Variants in ARHGAP44 observed in about 807,000 individuals in gnomAD.
ARHGAP44 encodes the protein Rho GTPase activating protein 44.
A neutral mutation model predicts 106.8 loss-of-function variants in ARHGAP44; 43 were observed. The observed-to-expected ratio is 0.40, with a 90% CI of 0.32 to 0.52. ARHGAP44 has a LOEUF of 0.52. Among genes scored for constraint, ARHGAP44 ranks in the 20% least tolerant of loss-of-function variants. ARHGAP44 has a pLI of 0.48. For missense variants in ARHGAP44, 866 were observed against 1,050.5 expected (o/e 0.82, Z 2.43); for synonymous variants, 439 against 410.3 (o/e 1.07, Z -0.85).
intron 16 of ARHGAP44, among the ~76,000 whole-genome samples, chr17:12,970,390 A>G (rs1221079038): frequency 1.3e-5 from 2 of 149,814 alleles, no homozygotes; most frequent in African/African-American, 4.9e-5. Flanking sequence ...AAAAAAAAAG[A>G]AAAAGAAGAG....
At chr17:12,800,715 C>G (rs536645454) in intron 1 of ARHGAP44, among the ~76,000 whole-genome samples, 1 of 152,170 alleles carries the variant, frequency 6.6e-6, no homozygotes, top group African/African-American at 2.4e-5. Flanking sequence ...TGCAACGTCT[C>G]TGTGAATGGG....
At chr17:12,941,859 A>T (rs1438609042) in intron 8 of ARHGAP44, among the ~76,000 whole-genome samples, 1 of 152,226 alleles carries the variant, frequency 6.6e-6, no homozygotes, top group Non-Finnish European at 1.5e-5. Context: ...AATAAAAAAA[A>T]ATCAGTTATG....
chr17:12,861,534 C>T (rs1250762658), intron 1 of ARHGAP44, among the ~76,000 whole-genome samples: 8 of 151,976 alleles, frequency 5.3e-5, no homozygotes, highest in Admixed American at 5.2e-4. Flanking sequence ...GTGGCCCCTT[C>T]CGCCGTCTTC....
At chr17:12,905,338 C>T (rs1207624225) in intron 3 of ARHGAP44, among the ~76,000 whole-genome samples, 3 of 152,132 alleles carry the variant, frequency 2.0e-5, no homozygotes, top group African/African-American at 2.4e-5. Context: ...ATGTCAAAAT[C>T]ATTAGTGCAG....
At chr17:12,908,311 C>T (rs1428090122) in intron 3 of ARHGAP44, among the ~76,000 whole-genome samples, 1 of 151,722 alleles carries the variant, frequency 6.6e-6, no homozygotes, top group Non-Finnish European at 1.5e-5. Flanking sequence ...ATTCTGCTGC[C>T]TCAGCCTCCC....
intron 16 of ARHGAP44, among the ~76,000 whole-genome samples, chr17:12,971,830 T>C (rs1217902950): frequency 6.6e-6 from 1 of 152,208 alleles, no homozygotes; most frequent in African/African-American, 2.4e-5. Flanking sequence ...GCAATCGTAC[T>C]AGACATGAGA....
At chr17:12,818,151 A>G (rs1167491338) in intron 1 of ARHGAP44, among the ~76,000 whole-genome samples, 1 of 151,988 alleles carries the variant, frequency 6.6e-6, no homozygotes, top group Non-Finnish European at 1.5e-5. Context: ...TGACCAAGTG[A>G]GGTTTATTTA....
intron 1 of ARHGAP44, among the ~76,000 whole-genome samples, chr17:12,810,486 A>G (rs957932100): frequency 3.3e-5 from 5 of 152,166 alleles, no homozygotes; most frequent in African/African-American, 1.2e-4. Flanking sequence ...AAGCTTGAGG[A>G]TGAGGGCTGG....
chr17:12,867,190 C>T (rs1465559207), intron 1 of ARHGAP44, among the ~76,000 whole-genome samples: 1 of 151,536 alleles, frequency 6.6e-6, no homozygotes, highest in East Asian at 1.9e-4. Flanking sequence ...AACCAACTGA[C>T]AGTTCCAGCA....
At chr17:12,831,775 G>T (rs1162895759) in intron 1 of ARHGAP44, among the ~76,000 whole-genome samples, 1 of 152,178 alleles carries the variant, frequency 6.6e-6, no homozygotes, top group Non-Finnish European at 1.5e-5. Context: ...ACTAAAGAGT[G>T]TAAGAAACAA....
intron 4 of ARHGAP44, among the ~76,000 whole-genome samples, chr17:12,910,288 A>C (rs1282468017): frequency 6.7e-6 from 1 of 149,020 alleles, no homozygotes; most frequent in Middle Eastern, 3.4e-3. Flanking sequence ...TCCTCTCTCT[A>C]AACATCTTAG....
chr17:12,848,787 C>T (rs1258690562), intron 1 of ARHGAP44, among the ~76,000 whole-genome samples: 1 of 152,136 alleles, frequency 6.6e-6, no homozygotes, highest in African/African-American at 2.4e-5. Flanking sequence ...GTGGCTCATG[C>T]CTGTAATCCA....
At chr17:12,806,038 A>G (rs1364957254) in intron 1 of ARHGAP44, among the ~76,000 whole-genome samples, 2 of 152,154 alleles carry the variant, frequency 1.3e-5, no homozygotes, top group African/African-American at 4.8e-5. Flanking sequence ...CAGCATTTCT[A>G]CCTAGCAGAG....
chr17:12,974,195 G>T lies in ARHGAP44; in HGVS notation c.1648G>T (p.Ala550Ser). 1 of 1,548,724 alleles carries T rather than the reference G, an allele frequency of 6.5e-7. No individual in the cohort carries two copies. Among genetic ancestry groups the T allele is most frequent in the Non-Finnish European group, 8.7e-7 (1 of 1,146,800 alleles). ...CTCCATGCAGCCTCCCGCCCCGCCCGCCGAGCTGGCTGCGCCCCTGCCTTC... is the reference window on the plus strand; with the variant it reads ...CTCCATGCAGCCTCCCGCCCCGCCCTCCGAGCTGGCTGCGCCCCTGCCTTC... Reference protein sequence around the residue: ...PPSMQPPAPPAELAAPLPSPL... With the variant: ...PPSMQPPAPPSELAAPLPSPL... Residue 550 changes from alanine to serine, a missense_variant, in exon 18 of 21, where the codon GCC becomes TCC. Around this residue, in one of 2 missense-constraint regions of ARHGAP44, gnomAD observed 418 missense variants for 403.6 expected, o/e 1.04. Coordinates refer to ENST00000379672, the MANE Select transcript of ARHGAP44 (RefSeq NM_014859.6).
chr17:12,802,000 G>GT (rs2034108659), intron 1 of ARHGAP44, among the ~76,000 whole-genome samples: 2 of 152,244 alleles, frequency 1.3e-5, no homozygotes, highest in East Asian at 3.9e-4. Flanking sequence ...GTACAAATAT[G>GT]TTTCCAGTTG....
chr17:12,830,271 C>A (rs182176948), intron 1 of ARHGAP44, among the ~76,000 whole-genome samples: 1 of 152,182 alleles, frequency 6.6e-6, no homozygotes, highest in East Asian at 1.9e-4. Context: ...AGAAAATTAT[C>A]TTTTTGGGTA....
chr17:12,857,071 A>G (rs553687908), intron 1 of ARHGAP44, among the ~76,000 whole-genome samples: 2 of 152,286 alleles, frequency 1.3e-5, no homozygotes, highest in East Asian at 3.9e-4. Context: ...TTAAACCTCA[A>G]TGACATGTTG....
chr17:12,946,366 C>T (rs1598098883), intron 10 of ARHGAP44, among the ~76,000 whole-genome samples: 2 of 151,530 alleles, frequency 1.3e-5, no homozygotes, highest in African/African-American at 4.9e-5. Context: ...TAATTTTTGG[C>T]TGAGCACAGT....
intron 16 of ARHGAP44, among the ~76,000 whole-genome samples, chr17:12,970,552 C>T (rs1242217326): frequency 6.6e-6 from 1 of 152,094 alleles, no homozygotes; most frequent in Non-Finnish European, 1.5e-5. Context: ...CACCTTGATT[C>T]AACTATAAAG....
Sources: gnomAD v4.1 joint callset for allele counts (sites outside exome capture counted in the v4.1 genomes callset) on GRCh38, gnomAD v4.1.1 for gene constraint, gnomAD v4.1.1 regional missense constraint, MANE v1.5 for transcripts, NCBI Gene and HGNC (gene_info 2026-07-23, HGNC 2026-07-21) for gene names.